The following TG variants were observed in gnomAD, a reference collection of about 807,000 sequenced individuals.
The protein encoded by TG is thyroglobulin, also known as thyroid hormones.
TG carries 270 observed loss-of-function variants against 324.7 expected under a neutral mutation model. The observed-to-expected ratio is 0.83, with a 90% confidence interval of 0.75 to 0.92. The LOEUF is 0.92. Ranked by LOEUF, TG falls within the 40% of genes least tolerant of loss-of-function variation. The pLI is 0.00. For synonymous variants in TG, 1,401 were observed against 1,327.0 expected (o/e 1.06, Z -1.21); for missense variants, 3,591 against 3,456.4 (o/e 1.04, Z -0.98).
chr8:133,102,559 A>G, intron 43 of TG: 1 of 1,551,604 alleles, frequency 6.4e-7, no homozygotes, highest in South Asian at 1.2e-5. Context: ...CTACCGGTGG[A>G]GCATCAGGGC....
chr8:132,887,692 A>G (rs1486612628), intron 9 of TG, 144 bp downstream of exon 9: 27 of 1,163,836 alleles, frequency 2.3e-5, no homozygotes, highest in African/African-American at 4.6e-5. Context: ...ATTAAAAATT[A>G]TCCAGGAATG....
At chr8:132,971,983 A>G (rs1052362373) in intron 33 of TG, 110 bp downstream of exon 33, 1 of 833,226 alleles carries the variant, frequency 1.2e-6, no homozygotes, top group South Asian at 1.4e-5. Context: ...CCTCGTTCAC[A>G]GATAAGGAAA....
At chr8:133,101,011 G>T (rs1849168292) in intron 43 of TG, among the ~76,000 whole-genome samples, 2 of 152,018 alleles carry the variant, frequency 1.3e-5, no homozygotes, top group Admixed American at 1.3e-4. Flanking sequence ...GGTGTCTCTA[G>T]GTCAGCTAAC....
Position 132,966,600 on chromosome 8 carries a change from G to A in TG, c.5589G>A (p.Gln1863=). Residue 1863 remains glutamine, a synonymous_variant, in exon 30 of 48, where the codon CAG becomes CAA. Transcript: ENST00000220616. ...TELFSPVDLN[Q]VIVNGNQSLS... ...TTTTCTCCCCTGTGGACCTCAACCA[G>A]GTCATTGTCAATGGAAATCAATCAC... The A allele has an allele frequency of 6.2e-7, 1 of 1,614,054 alleles. No individual in the cohort carries two copies. The highest frequency in any genetic ancestry group is 8.5e-7 in the Non-Finnish European group (1 of 1,179,990).
intron 27 of TG, among the ~76,000 whole-genome samples, chr8:132,957,521 G>A (rs1194216597): frequency 6.6e-6 from 1 of 152,028 alleles, no homozygotes; most frequent in African/African-American, 2.4e-5. Flanking sequence ...ATGTAAAACA[G>A]GACACACACA....
intron 32 of TG, among the ~76,000 whole-genome samples, chr8:132,970,499 C>G (rs1360694779): frequency 1.3e-5 from 2 of 152,174 alleles, no homozygotes; most frequent in East Asian, 3.9e-4. Context: ...TTCTTTTATA[C>G]TTAAAAATTC....
chr8:132,964,845 G>A, intron 29 of TG: 1 of 699,132 alleles, frequency 1.4e-6, no homozygotes. Context: ...CGGTTGCAGT[G>A]AGAATGCAGG....
At chr8:133,039,469 T>G (rs551160324) in intron 41 of TG, among the ~76,000 whole-genome samples, 1 of 152,346 alleles carries the variant, frequency 6.6e-6, no homozygotes, top group South Asian at 2.1e-4. Flanking sequence ...GGATTGATAC[T>G]GAATTATTAA....
intron 20 of TG, among the ~76,000 whole-genome samples, chr8:132,917,613 A>T (rs957506972): frequency 1.3e-5 from 2 of 151,952 alleles, no homozygotes; most frequent in Non-Finnish European, 2.9e-5. Context: ...CAGCAAGGGG[A>T]GTGGGCTGGA....
Position 133,131,847 on chromosome 8 carries a change from G to A in TG, c.7898G>A (p.Gly2633Glu), listed in dbSNP as rs141942440. ...CTGGCGGATGTTCAGTTTGCCTTGGGGCTTCCCTTCTACCCAGCCTACGAG... is the reference window on the plus strand; with the variant it reads ...CTGGCGGATGTTCAGTTTGCCTTGGAGCTTCCCTTCTACCCAGCCTACGAG... ...ELLADVQFALGLPFYPAYEGQ... is the reference protein window; with the variant it reads ...ELLADVQFALELPFYPAYEGQ... Residue 2633 changes from glycine (G) to glutamate (E), a missense_variant, in exon 46 of 48, where the codon GGG becomes GAG. Gly to Glu is a moderately conservative substitution (Grantham distance 98). Coordinates refer to ENST00000220616, the MANE Select transcript of TG (RefSeq NM_003235.5). 1 of 1,614,100 alleles carries A rather than the reference G, an allele frequency of 6.2e-7. No homozygotes were observed. The highest frequency in any genetic ancestry group is 8.5e-7 in the Non-Finnish European group (1 of 1,180,004).
intron 34 of TG, 51 bp from the exon 35 acceptor site, chr8:132,983,299 A>G (rs376248815): frequency 6.3e-7 from 1 of 1,586,576 alleles, no homozygotes; most frequent in East Asian, 2.2e-5. Flanking sequence ...TCTGAACTCG[A>G]TGATACCATG....
rs146436193 is a variant in TG, at chr8:133,065,135, C to T, written c.7240-29909C>T. On this transcript the variant is annotated intron_variant, in intron 41 of 47. Transcript: ENST00000220616. ...CGGCAAGTGGAGAAGCCTCAATGTCCACCATATATGTGAATGCCAACAACA... is the reference window on the plus strand; with the variant it reads ...CGGCAAGTGGAGAAGCCTCAATGTCTACCATATATGTGAATGCCAACAACA... Among the ~76,000 whole-genome samples the T allele has an allele frequency of 4.1e-3, 627 of 152,290 alleles. 3 individuals are homozygous for T. The highest frequency in any genetic ancestry group is 0.014 in the African/African-American group (591 of 41,544).
At chr8:133,109,759 G>A (rs1850113071) in intron 43 of TG, among the ~76,000 whole-genome samples, 2 of 152,304 alleles carry the variant, frequency 1.3e-5, no homozygotes, top group South Asian at 2.1e-4. Context: ...CGTGGCACTT[G>A]TGCTGACCTC....
In TG at chr8:132,992,759, C is replaced by G. The variant is rs148134601; in HGVS notation, c.6262+9347C>G. Reference sequence around the variant, plus strand: ...GGGTTTGTTCCTCCTCTGCTCTGAGCCCCAGGTCACTTCCTCCAAGGGATG... The same window carrying G: ...GGGTTTGTTCCTCCTCTGCTCTGAGGCCCAGGTCACTTCCTCCAAGGGATG... On this transcript the variant is annotated intron_variant, in intron 35 of 47. Coordinates refer to ENST00000220616, the MANE Select transcript of TG (RefSeq NM_003235.5). 6.0e-3 allele frequency among the ~76,000 whole-genome samples: 909 copies of G among 152,288 alleles called. 6 individuals are homozygous for G. Among genetic ancestry groups the G allele is most frequent in the Middle Eastern group, 0.01 (3 of 294 alleles).
In TG at chr8:132,888,163, C is replaced by A. The variant is rs1311188670; in HGVS notation, c.2356C>A (p.Gln786Lys). 1.2e-6 allele frequency: 2 copies of A among 1,614,070 alleles called. 1 individual carries two copies. Among genetic ancestry groups the A allele is most frequent in the South Asian group, 2.2e-5 (2 of 91,066 alleles). ...TCCTGAGCAGGTCTTCGAGTTGTAC[C>A]AACGATGGGAGGCTCAGAACAAGGG... ...GPPEQVFELYQRWEAQNKGQD... is the reference protein window; with the variant it reads ...GPPEQVFELYKRWEAQNKGQD... Residue 786 changes from glutamine to lysine, a missense_variant, in exon 10 of 48, where the codon CAA becomes AAA. Transcript: ENST00000220616.
At chr8:132,996,061 G>T (rs1015696992) in intron 35 of TG, among the ~76,000 whole-genome samples, 46 of 152,256 alleles carry the variant, frequency 3.0e-4, no homozygotes, top group African/African-American at 1.1e-3. Context: ...GGATTGAGAG[G>T]GAGTAGTCTG....
At chr8:133,074,992 G>A (rs1195442217) in intron 41 of TG, 11 of 985,482 alleles carry the variant, frequency 1.1e-5, no homozygotes, top group Non-Finnish European at 1.3e-5. Context: ...TGGAGAAGCA[G>A]CCCATGCTAC....
rs563646300 is a variant in TG, at chr8:132,999,613, G to A, written c.6263-12288G>A. 2.0e-5 allele frequency among the ~76,000 whole-genome samples: 3 copies of A among 152,306 alleles called. No individual in the cohort carries two copies. The Middle Eastern group carries it at 0.01, about 518-fold the overall frequency. ...GGAGGTCAGAAAACTGCAGCCTGCA[G>A]CCTGCAGCCTGTTTTTGTGTAGCCT... On this transcript the variant is annotated intron_variant, in intron 35 of 47. Transcript: ENST00000220616.
intron 35 of TG, among the ~76,000 whole-genome samples, chr8:133,004,090 G>A (rs1176610161): frequency 3.9e-5 from 6 of 152,236 alleles, no homozygotes. Flanking sequence ...GAAAGAGGCT[G>A]TATGACCTCA....
Sources: gnomAD v4.1 joint callset for allele counts (sites outside exome capture counted in the v4.1 genomes callset) on GRCh38, gnomAD v4.1.1 for gene constraint, MANE v1.5 for transcripts, NCBI Gene and HGNC (gene_info 2026-07-23, HGNC 2026-07-21) for gene names.